LLGL1: variants seen among roughly 807,000 people sequenced by gnomAD.
LLGL1 encodes lethal(2) giant larvae protein homolog 1.
A neutral mutation model predicts 110.6 loss-of-function variants in LLGL1; 58 were observed. That is an observed-to-expected ratio of 0.52 (90% CI 0.42 to 0.65). The LOEUF (loss-of-function observed/expected upper bound fraction) is 0.65. Among genes scored for constraint, LLGL1 ranks in the 30% least tolerant of loss-of-function variants. LLGL1 has a pLI of 0.00. For synonymous variants in LLGL1, 674 were observed against 607.2 expected (o/e 1.11, Z -1.62); for missense variants, 1,229 against 1,462.1 (o/e 0.84, Z 2.60).
Position 18,235,475 on chromosome 17 carries a change from G to C in LLGL1, c.1290G>C (p.Trp430Cys), listed in dbSNP as rs770630309. 1 of 1,614,076 alleles carries C rather than the reference G, an allele frequency of 6.2e-7. No individual in the cohort carries two copies. Among genetic ancestry groups the C allele is most frequent in the Admixed American group, 1.7e-5 (1 of 60,030 alleles). The stretch of plus-strand genomic sequence containing the variant: ...TCTCTGCCACCCCCTCCCAGAGCTG[G>C]CCCATCACTGGGGGCCGAAACCTGG... Reference protein sequence around the residue: ...SPQPVSSALSWPITGGRNLAQ... With the variant: ...SPQPVSSALSCPITGGRNLAQ... Residue 430 changes from tryptophan to cysteine, a missense_variant, in exon 11 of 23, where the codon TGG (tryptophan) becomes TGC (cysteine). Physicochemically the swap from Trp to Cys is radical, Grantham distance 215. Coordinates refer to ENST00000316843, the MANE Select transcript of LLGL1 (RefSeq NM_004140.4).
chr17:18,237,813 G>A, intron 14 of LLGL1, 40 bp downstream of exon 14: 1 of 1,567,884 alleles, frequency 6.4e-7, no homozygotes, highest in Non-Finnish European at 8.7e-7. Flanking sequence ...GGAGCCCCCA[G>A]CGAGATGGGG....
Position 18,240,665 on chromosome 17 carries a change from G to A in LLGL1, c.2294G>A (p.Gly765Asp). The A allele has an allele frequency of 6.2e-7, 1 of 1,613,234 alleles. No homozygotes were observed. The highest frequency in any genetic ancestry group is 8.5e-7 in the Non-Finnish European group (1 of 1,179,830). ...YALEVPAAAV[G>D]GEKRPEQAVE... is the part of the protein sequence containing the mutation. ...CTGGAGGTGCCGGCAGCAGCAGTGG[G>A]TGGTGAGAAGCGGCCTGAGCAAGCG... Residue 765 changes from glycine to aspartate, a missense_variant, in exon 17 of 23, where the codon GGT becomes GAT. Coordinates refer to ENST00000316843, the MANE Select transcript of LLGL1 (RefSeq NM_004140.4). This position sits in a 1 kb window ranked among gnomAD's most constrained non-coding sequence, Gnocchi z 5.3.
intron 20 of LLGL1, 33 bp downstream of exon 20, chr17:18,242,311 G>A: frequency 6.3e-7 from 1 of 1,585,996 alleles, no homozygotes; most frequent in Non-Finnish European, 8.7e-7. Flanking sequence ...CCAGACCCTG[G>A]CCCCACGGTG....
rs569574716 is a variant in LLGL1 at position 18,226,365 on chromosome 17, C to G, written c.81+602C>G. Among the ~76,000 whole-genome samples, 4 of 152,198 alleles carry G rather than the reference C, an allele frequency of 2.6e-5. No homozygotes were observed. The East Asian group carries it at 7.7e-4, about 29-fold the overall frequency. The stretch of plus-strand genomic sequence containing the variant: ...TCCCTGCTCGGCCCTTGGGACAGCC[C>G]TGGGGCCCGGTTTGTTTTGTGCTTT... On this transcript the variant is annotated intron_variant, in intron 1 of 22. Coordinates refer to ENST00000316843, the MANE Select transcript of LLGL1 (RefSeq NM_004140.4).
rs754022666 is a variant in LLGL1, at chr17:18,232,739, G to A, written c.329G>A (p.Cys110Tyr). 1.3e-5 allele frequency: 21 copies of A among 1,613,996 alleles called. No individual in the cohort carries two copies. Among genetic ancestry groups the A allele is most frequent in the Non-Finnish European group, 1.8e-5 (21 of 1,180,034 alleles). ...TGGGAGATTGTCCACCATAATGGCT[G>A]TGCCCACCTGGAAGAAGCACTCAGT... ...HLWEIVHHNG[C>Y]AHLEEALSFQ... Residue 110 changes from cysteine to tyrosine, a missense_variant, in exon 4 of 23, where the codon TGT becomes TAT. Transcript: ENST00000316843.
In LLGL1 at chr17:18,225,706, G is replaced by T. The variant is rs1428761308; in HGVS notation, c.24G>T (p.Arg8=). The part of the protein sequence containing the change: MMKFRFR[R]QGADPQREKL... ...AGATGATGAAGTTTCGGTTCCGGCG[G>T]CAGGGCGCCGACCCGCAGCGCGAGA... The change falls in exon 1 of 23, where the codon CGG becomes CGT. Residue 8 remains arginine (R), a synonymous_variant. Coordinates refer to ENST00000316843, the MANE Select transcript of LLGL1 (RefSeq NM_004140.4). 1.3e-5 allele frequency: 14 copies of T among 1,050,500 alleles called. No individual in the cohort carries two copies. The highest frequency in any genetic ancestry group is 1.7e-5 in the African/African-American group (1 of 57,878). 65.1% of individuals were successfully genotyped at this position (1,050,500 alleles called of 1,614,324 possible).
rs560759180 is a variant in LLGL1 at position 18,242,881 on chromosome 17, G to A, written c.*1+59G>A. On this transcript the variant is annotated intron_variant, in intron 22 of 22. Transcript: ENST00000316843. Reference sequence around the variant, plus strand: ...TGGTGACGTCCACCCCCTTCAGCCCGTCTGGGTACCATTTGGCCCTGGTCT... The same window carrying A: ...TGGTGACGTCCACCCCCTTCAGCCCATCTGGGTACCATTTGGCCCTGGTCT... The A allele has an allele frequency of 9.6e-6, 14 of 1,451,014 alleles. No homozygotes were observed. In the Admixed American group the frequency reaches 1.2e-4, roughly 13 times the overall value. 89.9% of individuals were successfully genotyped at this position (1,451,014 alleles called of 1,614,324 possible). A position where few individuals can be genotyped will look rare whatever the true frequency, so the allele number is the denominator to read the frequency against.
At chr17:18,227,554 T>C (rs2047474501) in intron 1 of LLGL1, among the ~76,000 whole-genome samples, 1 of 151,934 alleles carries the variant, frequency 6.6e-6, no homozygotes, top group Admixed American at 6.6e-5. Flanking sequence ...GCCCGGCTAG[T>C]TTTTGTATTT....
intron 7 of LLGL1, 51 bp downstream of exon 7, chr17:18,234,459 A>G: frequency 1.3e-6 from 2 of 1,598,578 alleles, no homozygotes; most frequent in Non-Finnish European, 1.7e-6. Context: ...AGGGGGCACC[A>G]CTGAGCCAAG....
At chr17:18,238,263 G>A in intron 15 of LLGL1, 49 bp downstream of exon 15, 1 of 1,603,952 alleles carries the variant, frequency 6.2e-7, no homozygotes, top group South Asian at 1.1e-5. Flanking sequence ...CCTGTGCCTT[G>A]GCCTGGCTCT....
intron 11 of LLGL1, 67 bp from the exon 12 acceptor site, chr17:18,236,540 G>A: frequency 1.3e-6 from 2 of 1,481,704 alleles, no homozygotes; most frequent in Non-Finnish European, 1.8e-6. Context: ...GTTATCAGAT[G>A]AGTGAATGGA....
chr17:18,227,685 C>T (rs1377695323), intron 1 of LLGL1, among the ~76,000 whole-genome samples: 2 of 152,248 alleles, frequency 1.3e-5, no homozygotes, highest in African/African-American at 4.8e-5. Flanking sequence ...GCTGCCATGC[C>T]TGGCCTAAAT....
rs2047847292 is a variant in LLGL1, at chr17:18,242,010, G to T, written c.2882+11G>T. The T allele has an allele frequency of 6.2e-7, 1 of 1,604,590 alleles. No individual in the cohort carries two copies. The highest frequency in any genetic ancestry group is 1.1e-5 in the South Asian group (1 of 90,880). On this transcript the variant is annotated intron_variant, in intron 19 of 22. Transcript: ENST00000316843. ...TGCCACCCAGGCCAGGTGTGTGGAGGGGCAGCTCCTAGCCTGGGGGACCTG... is the reference window on the plus strand; with the variant it reads ...TGCCACCCAGGCCAGGTGTGTGGAGTGGCAGCTCCTAGCCTGGGGGACCTG...
intron 1 of LLGL1, among the ~76,000 whole-genome samples, chr17:18,229,509 TC>T (rs1381696454): frequency 6.6e-6 from 1 of 152,160 alleles, no homozygotes; most frequent in Non-Finnish European, 1.5e-5. Flanking sequence ...GCGGGACTCC[TC>T]CGCAAGCTTT....
At chr17:18,232,258 TA>T (rs1301814190) in intron 2 of LLGL1, among the ~76,000 whole-genome samples, 1 of 152,240 alleles carries the variant, frequency 6.6e-6, no homozygotes, top group Non-Finnish European at 1.5e-5. Context: ...GAAGGTCCTA[TA>T]GCAGCACCTG....
rs2047956287 is a variant in LLGL1 at position 18,244,734 on chromosome 17, GC to G, written c.*829del. The stretch of plus-strand genomic sequence containing the variant: ...TGTGTGTGTCCGGCGGGGGGGGGGG[GC>G]AGGGGGGGGGGTCAAGATGAGTTTC... On this transcript the variant is annotated 3_prime_UTR_variant, in exon 23 of 23. Coordinates refer to ENST00000316843, the MANE Select transcript of LLGL1 (RefSeq NM_004140.4). 9.2e-5 allele frequency: 4 copies of G among 43,480 alleles called. No homozygotes were observed. The highest frequency in any genetic ancestry group is 8.4e-4 in the East Asian group (1 of 1,184). 2.7% of individuals were successfully genotyped at this position (43,480 alleles called of 1,614,324 possible). A position where few individuals can be genotyped will look rare whatever the true frequency, so the allele number is the denominator to read the frequency against.
At chr17:18,238,654 C>T in intron 16 of LLGL1, 45 bp downstream of exon 16, 2 of 1,568,394 alleles carry the variant, frequency 1.3e-6, no homozygotes, top group South Asian at 1.2e-5. Flanking sequence ...GTTGGGGGGG[C>T]TGGCCTCAAT....
intron 1 of LLGL1, among the ~76,000 whole-genome samples, chr17:18,227,486 T>A (rs910612105): frequency 1.3e-5 from 2 of 151,880 alleles, no homozygotes; most frequent in Non-Finnish European, 2.9e-5. Flanking sequence ...ACTCCCTGGC[T>A]CAGGTGATCC....
In LLGL1 at chr17:18,234,833, A is replaced by G; in HGVS notation, c.906-6A>G. ...TCATGGCTCGCACACCTCCCTCTGC[A>G]CATAGGGGCCACTTTATCATCTTCA... On this transcript the variant is annotated splice_polypyrimidine_tract_variant and splice_region_variant and intron_variant, in intron 8 of 22. Coordinates refer to ENST00000316843, the MANE Select transcript of LLGL1 (RefSeq NM_004140.4). 1 of 1,614,002 alleles carries G rather than the reference A, an allele frequency of 6.2e-7. No individual in the cohort carries two copies. Among genetic ancestry groups the G allele is most frequent in the South Asian group, 1.1e-5 (1 of 91,076 alleles).
Sources: gnomAD v4.1 joint callset for allele counts (sites outside exome capture counted in the v4.1 genomes callset) on GRCh38, gnomAD v4.1.1 for gene constraint, Gnocchi (gnomAD v3.1) non-coding constraint, MANE v1.5 for transcripts, NCBI Gene and HGNC (gene_info 2026-07-23, HGNC 2026-07-21) for gene names.